Variants in TRIM49B observed in about 807,000 individuals in gnomAD.
TRIM49B encodes tripartite motif containing 49B, also known as putative tripartite motif-containing protein 49B.
A neutral mutation model predicts 31.8 loss-of-function variants in TRIM49B; 18 were observed. The observed-to-expected ratio is 0.57, with a 90% CI of 0.39 to 0.84. The LOEUF (loss-of-function observed/expected upper bound fraction) is 0.84. TRIM49B is among the 40% of genes least tolerant of loss of function. TRIM49B has a pLI of 0.00. For synonymous variants in TRIM49B, 196 were observed against 180.6 expected (o/e 1.09, Z -0.68); for missense variants, 494 against 538.7 (o/e 0.92, Z 0.82).
At chr11:49,032,059 C>A (rs1854459687) in intron 2 of TRIM49B, 49 bp downstream of exon 2, 2 of 1,611,160 alleles carry the variant, frequency 1.2e-6, no homozygotes, top group African/African-American at 1.3e-5. Flanking sequence ...ACATAAAATT[C>A]CTGTGGGTCT....
chr11:49,032,429 C>T (rs1854466306), intron 3 of TRIM49B, 58 bp downstream of exon 3: 2 of 1,608,568 alleles, frequency 1.2e-6, no homozygotes, highest in Non-Finnish European at 8.5e-7. Flanking sequence ...ATGGGTGACT[C>T]TTAAAATAGG....
rs1854530985 is a variant in TRIM49B, at chr11:49,036,383, C to A, written c.844C>A (p.Leu282Ile). The A allele has an allele frequency of 6.4e-7, 1 of 1,563,656 alleles. No homozygotes were observed. The change falls in exon 6 of 7, where the codon CTC (leucine) becomes ATC (isoleucine). Residue 282 changes from leucine to isoleucine, a missense_variant. Transcript: ENST00000332682. Reference sequence around the variant, plus strand: ...GCCCATCACTGGACTGAGGGACAGGCTCAACCAATTCCGAGGTAAGTCTCC... The same window carrying A: ...GCCCATCACTGGACTGAGGGACAGGATCAACCAATTCCGAGGTAAGTCTCC... Reference protein sequence around the residue: ...AGPITGLRDRLNQFRVHITLH... With the variant: ...AGPITGLRDRINQFRVHITLH...
rs747633261 is a variant in TRIM49B at position 49,037,863 on chromosome 11, T to G, written c.1245T>G (p.Cys415Trp). 6.2e-7 allele frequency: 1 copy of G among 1,613,934 alleles called. No homozygotes were observed. Among genetic ancestry groups the G allele is most frequent in the South Asian group, 1.1e-5 (1 of 91,070 alleles). ...PTSRVGLFLD[C>W]EAKTVSFVDV... ...GCCGAGTAGGATTATTCCTGGATTG[T>G]GAGGCTAAGACTGTGAGCTTTGTTG... The change falls in exon 7 of 7, where the codon TGT (cysteine) becomes TGG (tryptophan). Residue 415 changes from cysteine to tryptophan, a missense_variant. Transcript: ENST00000332682.
At chr11:49,029,759 G>A (rs1854422641) in intron 1 of TRIM49B, among the ~76,000 whole-genome samples, 1 of 152,200 alleles carries the variant, frequency 6.6e-6, no homozygotes, top group African/African-American at 2.4e-5. Flanking sequence ...ACGTATATGT[G>A]TGCTGATACA....
At chr11:49,031,455 G>A in intron 1 of TRIM49B, 141 bp from the exon 2 acceptor site, 1 of 1,457,488 alleles carries the variant, frequency 6.9e-7, no homozygotes, top group Non-Finnish European at 9.2e-7. Context: ...AAATTTTTAA[G>A]TTTGTAACAG....
chr11:49,029,546 G>A (rs1440099572), intron 1 of TRIM49B, among the ~76,000 whole-genome samples: 8 of 152,166 alleles, frequency 5.3e-5, no homozygotes, highest in Non-Finnish European at 7.3e-5. Context: ...TTATTAAACT[G>A]TGAAAAATTT....
chr11:49,035,229 TACC>T, intron 5 of TRIM49B, 112 bp downstream of exon 5: 2 of 1,543,014 alleles, frequency 1.3e-6, no homozygotes, highest in Non-Finnish European at 8.7e-7. Context: ...AAGATATTGA[TACC>T]ACTTTTTTTT....
Position 49,031,484 on chromosome 11 carries a change from C to T in TRIM49B, c.-4-112C>T, listed in dbSNP as rs1029320551. ...GTAACAGAAGAAATAGTTTGTTGTA[C>T]TTTAATGAACACTGTCAAGAGAAGA... On this transcript the variant is annotated intron_variant, in intron 1 of 6. Transcript: ENST00000332682. 3.3e-6 allele frequency: 5 copies of T among 1,516,636 alleles called. No individual in the cohort carries two copies. In the African/African-American group the frequency reaches 4.2e-5, roughly 13 times the overall value. The allele number at this position is 1,516,636 out of a possible 1,614,324, so 93.9% of individuals were successfully genotyped here. A position where few individuals can be genotyped will look rare whatever the true frequency, so the allele number is the denominator to read the frequency against.
chr11:49,031,374 G>A (rs1367116171), intron 1 of TRIM49B, among the ~76,000 whole-genome samples: 1 of 152,214 alleles, frequency 6.6e-6, no homozygotes, highest in Non-Finnish European at 1.5e-5. Flanking sequence ...ACAGGAACTA[G>A]GAGTAGAAGG....
Position 49,034,384 on chromosome 11 carries a change from C to T in TRIM49B, c.738+8C>T. On this transcript the variant is annotated splice_region_variant and intron_variant, in intron 4 of 6. Transcript: ENST00000332682. Reference sequence around the variant, plus strand: ...GATGTGGAGCTACTTCAGGTACAAACTCGCCATGTGGTTTCAGGTTTTTGA... The same window carrying T: ...GATGTGGAGCTACTTCAGGTACAAATTCGCCATGTGGTTTCAGGTTTTTGA... The T allele has an allele frequency of 2.5e-6, 4 of 1,611,990 alleles. No homozygotes were observed. The highest frequency in any genetic ancestry group is 2.2e-5 in the South Asian group (2 of 90,982).
chr11:49,036,998 G>T (rs934812189), intron 6 of TRIM49B, among the ~76,000 whole-genome samples: 1 of 152,178 alleles, frequency 6.6e-6, no homozygotes, highest in Non-Finnish European at 1.5e-5. Context: ...TAGCATGGAG[G>T]ACAGCAGAGA....
chr11:49,037,358 T>G lies in TRIM49B; in HGVS notation c.860-120T>G, dbSNP rs1337410322. On this transcript the variant is annotated intron_variant, in intron 6 of 6. Coordinates refer to ENST00000332682, the MANE Select transcript of TRIM49B (RefSeq NM_001206626.2). ...TATAATATTAACCATCTCTATACTT[T>G]ACTAGAAGTTACAAGCAAAACTTTT... 1.7e-5 allele frequency: 22 copies of G among 1,288,804 alleles called. No homozygotes were observed. In the African/African-American group the frequency reaches 2.0e-4, roughly 11 times the overall value. The allele number at this position is 1,288,804 out of a possible 1,614,324, so 79.8% of individuals were successfully genotyped here. A position where few individuals can be genotyped will look rare whatever the true frequency, so the allele number is the denominator to read the frequency against.
In TRIM49B at chr11:49,031,638, C is replaced by T; in HGVS notation, c.39C>T (p.Leu13=). 6.2e-7 allele frequency: 1 copy of T among 1,613,960 alleles called. No homozygotes were observed. Among genetic ancestry groups the T allele is most frequent in the Non-Finnish European group, 8.5e-7 (1 of 1,179,882 alleles). ...TCTTACAGGTCTTTCAGAGGGAACTCATCTGCCCCATCTGCATGAACTACT... is the reference window on the plus strand; with the variant it reads ...TCTTACAGGTCTTTCAGAGGGAACTTATCTGCCCCATCTGCATGAACTACT... ...SGILQVFQRE[L]ICPICMNYFI... Residue 13 remains leucine, a synonymous_variant, in exon 2 of 7, where the codon CTC becomes CTT. Transcript: ENST00000332682.
rs777408867 is a variant in TRIM49B at position 49,037,978 on chromosome 11, C to A, written c.*1C>A. The A allele has an allele frequency of 1.4e-5, 22 of 1,605,998 alleles. No individual in the cohort carries two copies. The highest frequency in any genetic ancestry group is 1.9e-5 in the Non-Finnish European group (22 of 1,177,088). On this transcript the variant is annotated 3_prime_UTR_variant, in exon 7 of 7. Coordinates refer to ENST00000332682, the MANE Select transcript of TRIM49B (RefSeq NM_001206626.2). Reference sequence around the variant, plus strand: ...TATCTTTTGCTGTATTCACTTCTGACCAGAGACAAATCAGAAATGTGTTCA... The same window carrying A: ...TATCTTTTGCTGTATTCACTTCTGAACAGAGACAAATCAGAAATGTGTTCA...
rs1407264905 is a variant in TRIM49B at position 49,032,282 on chromosome 11, C to A, written c.418C>A (p.Leu140Ile). 60 of 1,612,586 alleles carry A rather than the reference C, an allele frequency of 3.7e-5. No individual in the cohort carries two copies. Among genetic ancestry groups the A allele is most frequent in the Non-Finnish European group, 4.8e-5 (57 of 1,179,724 alleles). Residue 140 changes from leucine to isoleucine, a missense_variant, in exon 3 of 7, where the codon CTT becomes ATT. Leu to Ile is a conservative substitution (Grantham distance 5). Around this residue, in one of 3 missense-constraint regions of TRIM49B, gnomAD observed 251 missense variants for 232.8 expected, o/e 1.08. Coordinates refer to ENST00000332682, the MANE Select transcript of TRIM49B (RefSeq NM_001206626.2). The part of the protein sequence containing the change: ...ESAAEEHQEK[L>I]LQKMQSLWEK... Reference sequence around the variant, plus strand: ...ATTTATGGCTCTTTTGCAGGAGAAGCTTTTACAGAAAATGCAGTCTTTGTG... The same window carrying A: ...ATTTATGGCTCTTTTGCAGGAGAAGATTTTACAGAAAATGCAGTCTTTGTG...
rs1854453495 is a variant in TRIM49B, at chr11:49,031,864, G to A, written c.265G>A (p.Glu89Lys). ...CAGTCTCTGGCTATTCCTGAGCTCT[G>A]AGGAGCAAATGTGTGGCACTCACAG... ...KVSLWLFLSS[E>K]EQMCGTHRET... is the part of the protein sequence containing the mutation. Residue 89 changes from glutamate to lysine, a missense_variant, in exon 2 of 7, where the codon GAG becomes AAG. This residue lies in a region of TRIM49B where 251 missense variants were observed against 232.8 expected (regional missense o/e 1.08). Coordinates refer to ENST00000332682, the MANE Select transcript of TRIM49B (RefSeq NM_001206626.2). 3.7e-6 allele frequency: 6 copies of A among 1,613,774 alleles called. No homozygotes were observed. Among genetic ancestry groups the A allele is most frequent in the Non-Finnish European group, 5.1e-6 (6 of 1,179,868 alleles).
intron 6 of TRIM49B, 23 bp from the exon 7 acceptor site, chr11:49,037,455 C>G: frequency 1.2e-6 from 2 of 1,602,352 alleles, no homozygotes; most frequent in Non-Finnish European, 1.7e-6. Flanking sequence ...CACGTCTATG[C>G]ATGTTTTCTC....
At position 49,037,722 on chromosome 11, in the gene TRIM49B, T is replaced by C. The variant is rs754429463; in HGVS notation, c.1104T>C (p.Asn368=). The C allele has an allele frequency of 6.2e-7, 1 of 1,613,824 alleles. No individual in the cohort carries two copies. Among genetic ancestry groups the C allele is most frequent in the Non-Finnish European group, 8.5e-7 (1 of 1,179,872 alleles). ...TGTATTGGAAAGAGAAGAATCAGAATGAGAAGATAGATGGAGAGGATGGAC... is the reference window on the plus strand; with the variant it reads ...TGTATTGGAAAGAGAAGAATCAGAACGAGAAGATAGATGGAGAGGATGGAC... The part of the protein sequence containing the change: ...CNMYWKEKNQ[N]EKIDGEDGLF... Residue 368 remains asparagine, a synonymous_variant, in exon 7 of 7, where the codon AAT becomes AAC. Transcript: ENST00000332682.
intron 4 of TRIM49B, 101 bp from the exon 5 acceptor site, chr11:49,034,994 G>C: frequency 6.4e-7 from 1 of 1,558,658 alleles, no homozygotes; most frequent in Non-Finnish European, 8.7e-7. Context: ...GATGGTAGGG[G>C]AATAATATCT....
Sources: allele counts gnomAD v4.1 joint callset (sites outside exome capture counted in the v4.1 genomes callset), GRCh38; gene constraint gnomAD v4.1.1; regional missense constraint gnomAD v4.1.1; transcripts MANE v1.5; gene names NCBI Gene and HGNC (gene_info 2026-07-23, HGNC 2026-07-21).